VEPH1: variants seen among roughly 807,000 people sequenced by gnomAD.
VEPH1 encodes the protein ventricular zone-expressed PH domain-containing protein homolog 1.
In VEPH1, 80 loss-of-function variants were observed where a neutral mutation model predicts 85.2. The observed-to-expected ratio is 0.94, with a 90% CI of 0.78 to 1.13. The LOEUF is 1.13. Ranked by LOEUF, VEPH1 falls within the 50% of genes most tolerant of loss-of-function variation. The probability of loss-of-function intolerance (pLI) is 0.00; values close to 1 mark genes in which losing one functional copy is unlikely to be tolerated. For synonymous variants in VEPH1, 297 were observed against 348.0 expected, an observed-to-expected ratio of 0.85 and a Z score of 1.63; for missense variants, 955 against 980.5, an observed-to-expected ratio of 0.97 and a Z score of 0.35.
chr3:157,379,822 C>A (rs780733401), intron 7 of VEPH1, among the ~76,000 whole-genome samples: 32 of 152,174 alleles, frequency 2.1e-4, no homozygotes, highest in Middle Eastern at 3.2e-3. Context: ...CATCCTCTGT[C>A]ATTTAGTCAT....
At chr3:157,427,900 C>T (rs1057156461) in intron 5 of VEPH1, among the ~76,000 whole-genome samples, 1 of 152,204 alleles carries the variant, frequency 6.6e-6, no homozygotes, top group Admixed American at 6.5e-5. Context: ...CAGATTGCCC[C>T]TGCAATATGG....
intron 9 of VEPH1, among the ~76,000 whole-genome samples, chr3:157,336,968 G>A (rs935376911): frequency 7.2e-5 from 11 of 152,080 alleles, no homozygotes; most frequent in East Asian, 1.9e-4. Flanking sequence ...GCTCTAGAAC[G>A]TAATTTGATT....
At chr3:157,484,127 G>A (rs139477710) in intron 2 of VEPH1, among the ~76,000 whole-genome samples, 2 of 152,248 alleles carry the variant, frequency 1.3e-5, no homozygotes, top group South Asian at 2.1e-4. Context: ...CAATTAAAAT[G>A]ACAGCACATT....
chr3:157,460,606 C>G lies in VEPH1; in HGVS notation c.355-251G>C, dbSNP rs11923106. On this transcript the variant is annotated intron_variant, in intron 3 of 13. Transcript: ENST00000362010. ...AGATGGGCAAAAGGCAGGGTGCTAACAGAGCAGAGAAGGAGCACTCAATCC... is the reference window on the plus strand; with the variant it reads ...AGATGGGCAAAAGGCAGGGTGCTAAGAGAGCAGAGAAGGAGCACTCAATCC... Among the ~76,000 whole-genome samples, 100,586 of 151,970 alleles carry G rather than the reference C, an allele frequency of 0.66. 33,994 individuals carry two copies. Among genetic ancestry groups the G allele is most frequent in the African/African-American group, 0.8 (33,026 of 41,464 alleles).
At chr3:157,345,501 A>T (rs1274642167) in intron 9 of VEPH1, among the ~76,000 whole-genome samples, 2 of 152,220 alleles carry the variant, frequency 1.3e-5, no homozygotes, top group African/African-American at 4.8e-5. Context: ...CACCAGTTAG[A>T]ATGGCAATAA....
At chr3:157,286,388 G>T (rs539000888) in intron 12 of VEPH1, 169 bp downstream of exon 12, 3 of 637,366 alleles carry the variant, frequency 4.7e-6, no homozygotes, top group South Asian at 1.9e-5. Flanking sequence ...TTTTTCCTAC[G>T]ACCACTTTGG....
intron 5 of VEPH1, among the ~76,000 whole-genome samples, chr3:157,427,308 C>T (rs370431350): frequency 3.3e-5 from 5 of 151,988 alleles, no homozygotes; most frequent in African/African-American, 1.2e-4. Flanking sequence ...TTAGTAGAGA[C>T]AGGGTTTCAC....
chr3:157,339,067 G>A (rs1358824050), intron 9 of VEPH1, among the ~76,000 whole-genome samples: 1 of 152,162 alleles, frequency 6.6e-6, no homozygotes, highest in African/African-American at 2.4e-5. Flanking sequence ...TCTAGTTCTG[G>A]CCCTGGGACT....
At chr3:157,460,550 G>A (rs902517362) in intron 3 of VEPH1, among the ~76,000 whole-genome samples, 195 bp from the exon 4 acceptor site, 2 of 152,194 alleles carry the variant, frequency 1.3e-5, no homozygotes, top group African/African-American at 4.8e-5. Flanking sequence ...AAGACAAACA[G>A]GCAGTTAACA....
intron 12 of VEPH1, among the ~76,000 whole-genome samples, chr3:157,270,628 A>T (rs1421159452): frequency 6.6e-6 from 1 of 152,204 alleles, no homozygotes; most frequent in Non-Finnish European, 1.5e-5. Flanking sequence ...CCCAGAGCTG[A>T]GAAGACCCAC....
chr3:157,469,532 T>G (rs1405865844), intron 3 of VEPH1, among the ~76,000 whole-genome samples: 1 of 152,198 alleles, frequency 6.6e-6, no homozygotes, highest in African/African-American at 2.4e-5. Flanking sequence ...GTTAACCAGC[T>G]TTCTTTATTG....
chr3:157,363,602 C>T lies in VEPH1; in HGVS notation c.1497G>A (p.Glu499=), dbSNP rs1162318408. The change falls in exon 9 of 14, where the codon GAG becomes GAA. Residue 499 remains glutamate, a synonymous_variant. Coordinates refer to ENST00000362010, the MANE Select transcript of VEPH1 (RefSeq NM_001167912.2). ...NDKLPFKTDT[E]RSQLGESSVS... ...CTGAAGACTCCCCCAGCTGTGATCT[C>T]TCAGTGTCTGTCTTAAACGGCAGCT... is the stretch of plus-strand genomic sequence containing the variant. The T allele has an allele frequency of 1.2e-6, 2 of 1,614,038 alleles. No homozygotes were observed. Among genetic ancestry groups the T allele is most frequent in the African/African-American group, 2.7e-5 (2 of 74,916 alleles).
chr3:157,476,084 G>A (rs577593153), intron 2 of VEPH1, among the ~76,000 whole-genome samples: 1 of 152,338 alleles, frequency 6.6e-6, no homozygotes, highest in East Asian at 1.9e-4. Flanking sequence ...TCTGTCATCA[G>A]TCACTCCAGT....
intron 12 of VEPH1, among the ~76,000 whole-genome samples, chr3:157,272,953 A>G (rs1714908986): frequency 6.6e-6 from 1 of 152,170 alleles, no homozygotes. Context: ...ACAACTTGCC[A>G]ATTTGCAGGT....
chr3:157,437,389 T>G, intron 4 of VEPH1: 2 of 1,208,350 alleles, frequency 1.7e-6, no homozygotes, highest in Non-Finnish European at 2.3e-6. Context: ...GAGGTGTCCT[T>G]AAAGGGAAGG....
At chr3:157,262,249 C>A (rs981331438) in intron 13 of VEPH1, among the ~76,000 whole-genome samples, 2 of 152,060 alleles carry the variant, frequency 1.3e-5, no homozygotes, top group Non-Finnish European at 2.9e-5. Flanking sequence ...TATCCATCAG[C>A]CAAGGCAATG....
chr3:157,267,312 G>T (rs1713832074), intron 12 of VEPH1, among the ~76,000 whole-genome samples: 1 of 150,568 alleles, frequency 6.6e-6, no homozygotes, highest in Non-Finnish European at 1.5e-5. Flanking sequence ...GGCCAGGCTG[G>T]TCTCAAACTC....
intron 9 of VEPH1, among the ~76,000 whole-genome samples, chr3:157,352,387 T>C (rs1448988978): frequency 6.6e-6 from 1 of 152,246 alleles, no homozygotes; most frequent in Non-Finnish European, 1.5e-5. Flanking sequence ...TTGAAATAGA[T>C]AACTTTCTAT....
intron 5 of VEPH1, among the ~76,000 whole-genome samples, chr3:157,427,455 T>A (rs1336325061): frequency 7.1e-6 from 1 of 141,278 alleles, no homozygotes; most frequent in Admixed American, 6.8e-5. Context: ...GTCTGGTTAA[T>A]ATTTATTTAT....
Sources: gnomAD v4.1 joint callset for allele counts (sites outside exome capture counted in the v4.1 genomes callset) on GRCh38, gnomAD v4.1.1 for gene constraint, MANE v1.5 for transcripts, NCBI Gene and HGNC (gene_info 2026-07-23, HGNC 2026-07-21) for gene names.